The following ACSL4 variants were observed in gnomAD, a reference collection of about 807,000 sequenced individuals.
ACSL4 encodes acyl-CoA synthetase long chain family member 4, also known as long-chain-fatty-acid--CoA ligase 4.
In ACSL4, 9 loss-of-function variants were observed where a neutral mutation model predicts 49.1. The ratio of observed to expected loss-of-function variants is 0.18; its 90% CI spans 0.11 to 0.32. The LOEUF is 0.32. ACSL4 is among the 10% of genes least tolerant of loss of function. The pLI is 1.00. For synonymous variants in ACSL4, 191 were observed against 170.3 expected, an observed-to-expected ratio of 1.12 and a Z score of -0.95; for missense variants, 333 against 493.7, an observed-to-expected ratio of 0.67 and a Z score of 3.08.
chrX:109,665,752 C>T (rs1215143136), intron 11 of ACSL4, among the ~76,000 whole-genome samples: 1 of 111,617 alleles, frequency 9.0e-6, no homozygotes, highest in Non-Finnish European at 1.9e-5. Context: ...ATGGCTCCAC[C>T]GTTATCTACC....
chrX:109,730,510 A>C (rs1412331617), intron 1 of ACSL4, among the ~76,000 whole-genome samples: 1 of 111,978 alleles, frequency 8.9e-6, no homozygotes, highest in East Asian at 2.8e-4. Flanking sequence ...CTGGATGTAC[A>C]TCTGTCTCTC....
chrX:109,732,979 T>C (rs1243605282), intron 1 of ACSL4, 160 bp downstream of exon 1: 4 of 326,661 alleles, frequency 1.2e-5, no homozygotes, highest in African/African-American at 1.1e-4. Context: ...TAGATAGCCC[T>C]GGCTCAAGGA....
chrX:109,657,084 T>C (rs1199724173), intron 15 of ACSL4, among the ~76,000 whole-genome samples: 1 of 111,606 alleles, frequency 9.0e-6, no homozygotes, highest in Non-Finnish European at 1.9e-5. Context: ...TCACCCAAGG[T>C]TGGCCCATCT....
intron 2 of ACSL4, among the ~76,000 whole-genome samples, chrX:109,692,306 T>C: frequency 8.9e-6 from 1 of 111,984 alleles, no homozygotes; most frequent in East Asian, 2.8e-4. Context: ...ATACACTGTG[T>C]ATAATTATAC....
rs1014866085 is a variant in ACSL4 at position 109,643,224 on chromosome X, C to T, written c.*805G>A. The T allele has an allele frequency of 8.9e-6, 1 of 111,906 alleles. No homozygotes were observed. The highest frequency in any genetic ancestry group is 3.3e-5 in the African/African-American group (1 of 30,752). 9.2% of individuals were successfully genotyped at this position (111,906 alleles called of 1,213,427 possible). The stretch of plus-strand genomic sequence containing the variant: ...CTGTTAACTTTTTACCTTCCTTGCT[C>T]TTGGTCTCAGCTTTTCAGTTTGAAT... On this transcript the variant is annotated 3_prime_UTR_variant, in exon 16 of 16. Transcript: ENST00000672401.
chrX:109,718,601 A>G (rs191908835), intron 1 of ACSL4, among the ~76,000 whole-genome samples: 1 of 111,482 alleles, frequency 9.0e-6, no homozygotes, highest in East Asian at 2.8e-4. Context: ...CAAAAAATAC[A>G]AAAATTAACT....
At chrX:109,713,842 T>C (rs773761518) in intron 1 of ACSL4, among the ~76,000 whole-genome samples, 1 of 112,324 alleles carries the variant, frequency 8.9e-6, no homozygotes, top group African/African-American at 3.2e-5. Context: ...GGACTGCATA[T>C]ACAGTCGTCC....
chrX:109,683,253 A>C lies in ACSL4; in HGVS notation c.111T>G (p.Thr37=), dbSNP rs1924322905. ...LAVIDIPGAD[T]LDKLFDHAVS... ...CAGCATGGTCAAATAATTTATCCAG[A>C]GTATCTGCTCCAGGGATGTCTATTA... The change falls in exon 3 of 16, where the codon ACT becomes ACG. Residue 37 remains threonine (T), a synonymous_variant. Coordinates refer to ENST00000672401, the MANE Select transcript of ACSL4 (RefSeq NM_001318510.2). The C allele has an allele frequency of 8.3e-7, 1 of 1,210,422 alleles. No homozygotes were observed. Among genetic ancestry groups the C allele is most frequent in the African/African-American group, 1.7e-5 (1 of 57,340 alleles).
Position 109,661,485 on chromosome X carries a change from A to G in ACSL4, c.1697+46T>C, listed in dbSNP as rs1416225653. 6 of 934,119 alleles carry G rather than the reference A, an allele frequency of 6.4e-6. No individual in the cohort carries two copies. The East Asian group carries it at 1.5e-4, about 24-fold the overall frequency. The allele number at this position is 934,119 out of a possible 1,213,427, so 77.0% of individuals were successfully genotyped here. A position where few individuals can be genotyped will look rare whatever the true frequency, so the allele number is the denominator to read the frequency against. ...AATATGTAATCACATTATTTTCTAAATATCTTTTGACTTACGAAACAAAAA... is the reference window on the plus strand; with the variant it reads ...AATATGTAATCACATTATTTTCTAAGTATCTTTTGACTTACGAAACAAAAA... On this transcript the variant is annotated intron_variant, in intron 14 of 15. Transcript: ENST00000672401.
At chrX:109,730,690 C>A (rs1214861660) in intron 1 of ACSL4, among the ~76,000 whole-genome samples, 2 of 112,320 alleles carry the variant, frequency 1.8e-5, no homozygotes, top group Non-Finnish European at 3.8e-5. Flanking sequence ...AAGTTCCTAG[C>A]CAATTACAGT....
At chrX:109,700,257 C>T (rs1925797551) in intron 1 of ACSL4, among the ~76,000 whole-genome samples, 1 of 102,591 alleles carries the variant, frequency 9.7e-6, no homozygotes, top group African/African-American at 3.6e-5. Context: ...TAGTCGGGCA[C>T]GGTGGCTCAC....
At chrX:109,717,125 A>C (rs900790016) in intron 1 of ACSL4, among the ~76,000 whole-genome samples, 1 of 112,033 alleles carries the variant, frequency 8.9e-6, no homozygotes, top group African/African-American at 3.2e-5. Flanking sequence ...ACAGTTTTGA[A>C]AACAAACCTG....
At chrX:109,653,783 C>T (rs977743345) in intron 15 of ACSL4, among the ~76,000 whole-genome samples, 4 of 108,178 alleles carry the variant, frequency 3.7e-5, no homozygotes, top group African/African-American at 1.0e-4. Flanking sequence ...GGAAGGGGAA[C>T]ATCACACTCT....
At chrX:109,663,920 T>C (rs752111170) in intron 12 of ACSL4, among the ~76,000 whole-genome samples, 3 of 111,347 alleles carry the variant, frequency 2.7e-5, no homozygotes, top group Non-Finnish European at 5.7e-5. Flanking sequence ...GTCATGACTT[T>C]AGAAGTTCAA....
intron 1 of ACSL4, among the ~76,000 whole-genome samples, chrX:109,718,364 G>C (rs1395353565): frequency 2.7e-5 from 3 of 112,298 alleles, no homozygotes; most frequent in African/African-American, 6.5e-5. Flanking sequence ...AACTTTGAAA[G>C]ACAAATTCAG....
At chrX:109,646,647 A>G (rs1210542280) in intron 15 of ACSL4, among the ~76,000 whole-genome samples, 1 of 108,723 alleles carries the variant, frequency 9.2e-6, no homozygotes, top group African/African-American at 3.4e-5. Context: ...CATCATAATG[A>G]CAGGATCAAA....
chrX:109,701,023 A>G lies in ACSL4; in HGVS notation c.-65-4827T>C, dbSNP rs1925880341. ...GCACCACTGCACTCCAGCCTGGCTG[A>G]TAGAGCAAGACTCCATCTCAAAATA... On this transcript the variant is annotated intron_variant, in intron 1 of 15. Transcript: ENST00000672401. 2.7e-5 allele frequency among the ~76,000 whole-genome samples: 3 copies of G among 111,544 alleles called. No homozygotes were observed. In the East Asian group the frequency reaches 8.5e-4, roughly 32 times the overall value.
At chrX:109,714,260 T>G (rs936875761) in intron 1 of ACSL4, among the ~76,000 whole-genome samples, 1 of 112,439 alleles carries the variant, frequency 8.9e-6, no homozygotes, top group African/African-American at 3.2e-5. Flanking sequence ...ATAAAAAAGC[T>G]TTTAGAATAA....
At chrX:109,658,605 A>G (rs1014984992) in intron 15 of ACSL4, among the ~76,000 whole-genome samples, 1 of 112,027 alleles carries the variant, frequency 8.9e-6, no homozygotes, top group African/African-American at 3.3e-5. Context: ...ACTCCCTTGT[A>G]GTTCCCTGCA....
Sources: allele counts gnomAD v4.1 joint callset (sites outside exome capture counted in the v4.1 genomes callset), GRCh38; gene constraint gnomAD v4.1.1; transcripts MANE v1.5; gene names NCBI Gene and HGNC (gene_info 2026-07-23, HGNC 2026-07-21).